The following GCNT1 variants were observed in gnomAD, a reference collection of about 807,000 sequenced individuals.
GCNT1 encodes the protein glucosaminyl (N-acetyl) transferase 1.
In GCNT1, 16 loss-of-function variants were observed where a neutral mutation model predicts 26.2. That is an observed-to-expected ratio of 0.61 (90% confidence interval 0.41 to 0.93). The LOEUF is 0.93. Ranked by LOEUF, GCNT1 falls within the 40% of genes least tolerant of loss-of-function variation. The pLI is 0.00. For synonymous variants in GCNT1, 183 were observed against 190.8 expected, an observed-to-expected ratio of 0.96 and a Z score of 0.34; for missense variants, 477 against 526.7, an observed-to-expected ratio of 0.91 and a Z score of 0.92.
chr9:76,434,547 A>T (rs879347568), intron 1 of GCNT1, among the ~76,000 whole-genome samples: 1 of 152,202 alleles, frequency 6.6e-6, no homozygotes, highest in African/African-American at 2.4e-5. Context: ...GTACAAATTG[A>T]TTGTAAAACT....
intron 2 of GCNT1, among the ~76,000 whole-genome samples, chr9:76,468,267 C>T (rs1824052470): frequency 6.6e-6 from 1 of 152,152 alleles, no homozygotes; most frequent in South Asian, 2.1e-4. Flanking sequence ...GGATTCCTTG[C>T]CTAGCTGGAG....
At chr9:76,439,223 C>CTTTT (rs71499153), upstream of GCNT1, among the ~76,000 whole-genome samples, 84 of 120,078 alleles carry the variant, frequency 7.0e-4, no homozygotes, top group Non-Finnish European at 8.1e-4. Context: ...TTTTCTTTTT[C>CTTTT]TTTTTTTTTT....
At chr9:76,488,054 C>T (rs1346812119) in intron 2 of GCNT1, among the ~76,000 whole-genome samples, 1 of 152,204 alleles carries the variant, frequency 6.6e-6, no homozygotes, top group Admixed American at 6.5e-5. Flanking sequence ...GAATATAACT[C>T]ATTCTCCAGT....
chr9:76,466,172 G>C (rs1400360529), intron 2 of GCNT1, among the ~76,000 whole-genome samples: 4 of 152,224 alleles, frequency 2.6e-5, no homozygotes, highest in African/African-American at 7.2e-5. Flanking sequence ...GGTAGAGGAA[G>C]AGAGGCCTGT....
chr9:76,427,842 C>T (rs887810267), intron 1 of GCNT1, among the ~76,000 whole-genome samples: 3 of 152,034 alleles, frequency 2.0e-5, no homozygotes, highest in East Asian at 3.9e-4. Flanking sequence ...CAAAAATCAG[C>T]GTGGTAGCAC....
At chr9:76,472,047 T>C (rs1266559935) in intron 2 of GCNT1, among the ~76,000 whole-genome samples, 1 of 152,074 alleles carries the variant, frequency 6.6e-6, no homozygotes, top group African/African-American at 2.4e-5. Context: ...AGGCTAAGGC[T>C]GGCAGATCAC....
At chr9:76,477,344 G>A (rs1275780721) in intron 2 of GCNT1, among the ~76,000 whole-genome samples, 7 of 150,930 alleles carry the variant, frequency 4.6e-5, no homozygotes, top group Non-Finnish European at 7.4e-5. Flanking sequence ...TTGCCAACAT[G>A]GTGAAACCCC....
chr9:76,461,281 C>T (rs1231728473), intron 2 of GCNT1, among the ~76,000 whole-genome samples: 1 of 147,952 alleles, frequency 6.8e-6, no homozygotes, highest in Non-Finnish European at 1.5e-5. Context: ...AATATTGGCT[C>T]ATATTTTTTC....
the GCNT1 span, among the ~76,000 whole-genome samples, chr9:76,397,228 G>A: frequency 2.0e-5 from 3 of 152,004 alleles, no homozygotes; most frequent in Non-Finnish European, 4.4e-5. Context: ...GTTGCTATGA[G>A]CCGAGATTGC....
At chr9:76,402,960 G>T in the GCNT1 span, among the ~76,000 whole-genome samples, 46,949 of 152,024 alleles carry the variant, frequency 0.31, 8,095 homozygotes, top group Middle Eastern at 0.39. Context: ...TTACATGCAT[G>T]AGCCACCGTG....
chr9:76,441,688 A>C (rs1428758421), exon 1 of GCNT1: 1 of 152,936 alleles, frequency 6.5e-6, no homozygotes, highest in Non-Finnish European at 1.5e-5. Context: ...TGAACTGTTA[A>C]GGAGGGAGAA....
At chr9:76,490,592 G>T (rs1370912398) in intron 2 of GCNT1, among the ~76,000 whole-genome samples, 4 of 152,198 alleles carry the variant, frequency 2.6e-5, no homozygotes, top group Non-Finnish European at 4.4e-5. Context: ...TGAAAATCTT[G>T]TAAGTTTGGG....
intron 2 of GCNT1, among the ~76,000 whole-genome samples, chr9:76,483,926 C>T (rs12553659): frequency 0.038 from 5,829 of 152,222 alleles, 203 homozygotes; most frequent in Admixed American, 0.12. Flanking sequence ...GTGTTCTTCC[C>T]GCCTCAACCT....
chr9:76,492,043 A>G (rs770075689), intron 2 of GCNT1, among the ~76,000 whole-genome samples: 2 of 152,338 alleles, frequency 1.3e-5, no homozygotes, highest in South Asian at 2.1e-4. Flanking sequence ...TACTGTATCA[A>G]TTTCCTTACT....
the GCNT1 span, among the ~76,000 whole-genome samples, chr9:76,399,912 A>G: frequency 2.6e-5 from 4 of 152,248 alleles, no homozygotes; most frequent in African/African-American, 9.6e-5. Flanking sequence ...GAAATGAGCT[A>G]TCAAGCCACA....
chr9:76,476,191 G>A (rs1824248306), intron 2 of GCNT1, among the ~76,000 whole-genome samples: 1 of 152,136 alleles, frequency 6.6e-6, no homozygotes. Flanking sequence ...TTGGGAACTA[G>A]CATTTCTAAG....
chr9:76,403,426 A>G, the GCNT1 span, among the ~76,000 whole-genome samples: 1 of 152,248 alleles, frequency 6.6e-6, no homozygotes, highest in Non-Finnish European at 1.5e-5. Flanking sequence ...AATTCTCACC[A>G]CCAAAACCAA....
chr9:76,429,373 A>G (rs1046617535), intron 1 of GCNT1, among the ~76,000 whole-genome samples: 3 of 152,196 alleles, frequency 2.0e-5, no homozygotes, highest in Non-Finnish European at 4.4e-5. Flanking sequence ...TAACTACACT[A>G]GATATTGCCT....
chr9:76,425,406 A>G (rs551422918), intron 1 of GCNT1, among the ~76,000 whole-genome samples: 1 of 151,962 alleles, frequency 6.6e-6, no homozygotes, highest in Non-Finnish European at 1.5e-5. Context: ...TACTTTTAGT[A>G]GAGACAGGAT....
Sources: gnomAD v4.1 joint callset for allele counts (sites outside exome capture counted in the v4.1 genomes callset) on GRCh38, gnomAD v4.1.1 for gene constraint, MANE v1.5 for transcripts, NCBI Gene and HGNC (gene_info 2026-07-23, HGNC 2026-07-21) for gene names.